Variants in DNM1 observed in about 807,000 individuals in gnomAD.
DNM1 encodes dynamin 1, also known as dynamin-1.
Under a neutral mutation model 104.6 loss-of-function variants are expected in DNM1, and 29 were observed. That is an observed-to-expected ratio of 0.28 (90% confidence interval 0.21 to 0.38). The LOEUF is 0.38. Among genes scored for constraint, DNM1 ranks in the 10% least tolerant of loss-of-function variants. The pLI, the probability that DNM1 is intolerant of heterozygous loss-of-function variation, is 1.00. For missense variants in DNM1, 640 were observed against 1,189.4 expected, an observed-to-expected ratio of 0.54 and a Z score of 6.79; for synonymous variants, 445 against 475.8, an observed-to-expected ratio of 0.94 and a Z score of 0.84.
chr9:128,225,884 CTCTT>C (rs756368575), intron 10 of DNM1: 86 of 717,134 alleles, frequency 1.2e-4, no homozygotes, highest in Middle Eastern at 8.0e-4. Context: ...TTCTCTCTCT[CTCTT>C]TATCTGTGTC....
rs746559414 is a variant in DNM1 at position 128,219,175 on chromosome 9, T to A, written c.512T>A (p.Ile171Asn). The change falls in exon 4 of 22, where the codon ATC becomes AAC. Residue 171 changes from isoleucine to asparagine, a missense_variant. By Grantham distance (149) the Ile-to-Asn change is moderately radical (BLOSUM62 -3). Coordinates refer to ENST00000372923, the MANE Select transcript of DNM1 (RefSeq NM_004408.4). ...MQFVTKENCL[I>N]LAVSPANSDL... ...TTTGTCACCAAGGAGAACTGCCTCA[T>A]CCTGGCCGTGTCCCCCGCCAACTCT... 1.9e-6 allele frequency: 3 copies of A among 1,614,166 alleles called. No individual in the cohort carries two copies. Among genetic ancestry groups the A allele is most frequent in the Non-Finnish European group, 2.5e-6 (3 of 1,180,036 alleles).
In DNM1 at chr9:128,243,397, C is replaced by G. The variant is rs1488295280; in HGVS notation, c.1671+1052C>G. On this transcript the variant is annotated intron_variant, in intron 15 of 21. Coordinates refer to ENST00000372923, the MANE Select transcript of DNM1 (RefSeq NM_004408.4). This position sits in a 1 kb window ranked among gnomAD's most constrained non-coding sequence, Gnocchi z 4.0. Reference sequence around the variant, plus strand: ...GGCTACAGCATCCTCAACGGGGGAGCGGGGCTCTGGGTGGGGCCTGTGATT... The same window carrying G: ...GGCTACAGCATCCTCAACGGGGGAGGGGGGCTCTGGGTGGGGCCTGTGATT... Among the ~76,000 whole-genome samples, 3 of 151,980 alleles carry G rather than the reference C, an allele frequency of 2.0e-5. No individual in the cohort carries two copies. Among genetic ancestry groups the G allele is most frequent in the African/African-American group, 7.2e-5 (3 of 41,390 alleles).
chr9:128,239,378 C>A, intron 11 of DNM1, 67 bp from the exon 12 acceptor site: 1 of 1,226,772 alleles, frequency 8.2e-7, no homozygotes, highest in Non-Finnish European at 1.2e-6. Context: ...TTTCTCCCAG[C>A]TTGCCCTGCA....
rs1311709350 is a variant in DNM1 at position 128,240,248 on chromosome 9, G to A, written c.1557+252G>A. On this transcript the variant is annotated intron_variant, in intron 14 of 21. Transcript: ENST00000372923. This position sits in a 1 kb window ranked among gnomAD's most constrained non-coding sequence, Gnocchi z 5.1. ...GTGGGGCTGGGTGGGTGAGAAGGCT[G>A]GGCCTGGCACGGAGTAGGTGCTCCT... 1.3e-5 allele frequency among the ~76,000 whole-genome samples: 2 copies of A among 152,178 alleles called. No homozygotes were observed. The highest frequency in any genetic ancestry group is 4.8e-5 in the African/African-American group (2 of 41,428).
intron 15 of DNM1, chr9:128,244,867 G>A (rs770940322): frequency 2.4e-5 from 12 of 500,942 alleles, no homozygotes; most frequent in South Asian, 4.4e-5. Flanking sequence ...TCCGGTGGGC[G>A]CTTCAGCCCC....
Position 128,245,066 on chromosome 9 carries a change from G to T in DNM1, c.1672-1328G>T, listed in dbSNP as rs1342057819. 7.6e-6 allele frequency: 2 copies of T among 263,468 alleles called. No homozygotes were observed. Among genetic ancestry groups the T allele is most frequent in the Admixed American group, 9.2e-5 (2 of 21,842 alleles). The allele number at this position is 263,468 out of a possible 1,614,324, so 16.3% of individuals were successfully genotyped here. ...GCCGGCCGGCAGGAAGGGAGGGGTGGGGGGAGGAGGCCGCTCCTACCTAGT... is the reference window on the plus strand; with the variant it reads ...GCCGGCCGGCAGGAAGGGAGGGGTGTGGGGAGGAGGCCGCTCCTACCTAGT... On this transcript the variant is annotated intron_variant, in intron 15 of 21. Coordinates refer to ENST00000372923, the MANE Select transcript of DNM1 (RefSeq NM_004408.4). This position sits in a 1 kb window ranked among gnomAD's most constrained non-coding sequence, Gnocchi z 5.2.
rs769831767 is a variant in DNM1 at position 128,222,283 on chromosome 9, G to A, written c.936G>A (p.Glu312=). 2 of 1,614,180 alleles carry A rather than the reference G, an allele frequency of 1.2e-6. No individual in the cohort carries two copies. Among genetic ancestry groups the A allele is most frequent in the South Asian group, 1.1e-5 (1 of 91,076 alleles). The change falls in exon 7 of 22, where the codon GAG becomes GAA. Residue 312 remains glutamate (E), a synonymous_variant. Transcript: ENST00000372923. The surrounding 1 kb of genome is among the most constrained non-coding windows in gnomAD (Gnocchi z 7.8). ...TACTGTCCATTGAGAAGGAGGTGGA[G>A]GAATACAAGAACTTCCGCCCTGATG... is the stretch of plus-strand genomic sequence containing the variant. ...SQLLSIEKEV[E]EYKNFRPDDP...
At chr9:128,208,056 T>C (rs1288580030) in intron 1 of DNM1, among the ~76,000 whole-genome samples, 1 of 151,752 alleles carries the variant, frequency 6.6e-6, no homozygotes, top group Non-Finnish European at 1.5e-5. Context: ...ATTCTTTTTT[T>C]TCTTTTTTTT....
chr9:128,205,141 C>A (rs1833851124), intron 1 of DNM1, among the ~76,000 whole-genome samples: 1 of 152,166 alleles, frequency 6.6e-6, no homozygotes, highest in East Asian at 1.9e-4. Flanking sequence ...GATCACATGA[C>A]CCCCGGAGCT....
intron 10 of DNM1, among the ~76,000 whole-genome samples, chr9:128,233,250 AGCCGGGCAGATGTGGCTGGGGATGGTGGT>A (rs1296624859): frequency 2.6e-5 from 4 of 152,224 alleles, no homozygotes; most frequent in Admixed American, 6.5e-5. Flanking sequence ...GGCTGGCCAG[AGCCGGGCAGATGTGGCTGGGGATGGTGGT>A]GCCGGGCAGG....
intron 15 of DNM1, chr9:128,244,786 C>T (rs1024465078): frequency 3.7e-6 from 2 of 534,414 alleles, no homozygotes; most frequent in Non-Finnish European, 7.7e-6. Flanking sequence ...GAGTCCTGAA[C>T]AGATAGTCTA....
In DNM1 at chr9:128,222,419, G is replaced by A. The variant is rs1289067764; in HGVS notation, c.993-42G>A. Reference sequence around the variant, plus strand: ...GGGCTCTCCCAGGGTTCCCTTTGCTGGGCTGCTCCTGCCCCCTCAGGCCAC... The same window carrying A: ...GGGCTCTCCCAGGGTTCCCTTTGCTAGGCTGCTCCTGCCCCCTCAGGCCAC... On this transcript the variant is annotated intron_variant, in intron 7 of 21. Coordinates refer to ENST00000372923, the MANE Select transcript of DNM1 (RefSeq NM_004408.4). The surrounding 1 kb of genome is among the most constrained non-coding windows in gnomAD (Gnocchi z 7.8). 6.2e-7 allele frequency: 1 copy of A among 1,611,510 alleles called. No individual in the cohort carries two copies. The highest frequency in any genetic ancestry group is 8.5e-7 in the Non-Finnish European group (1 of 1,178,004).
At position 128,254,862 on chromosome 9, in the gene DNM1, G is replaced by A. The variant is rs779773703; in HGVS notation, c.*148G>A. The A allele has an allele frequency of 3.6e-5, 24 of 670,334 alleles. No homozygotes were observed. Among genetic ancestry groups the A allele is most frequent in the Middle Eastern group, 4.0e-4 (1 of 2,470 alleles). The allele number at this position is 670,334 out of a possible 1,614,324, so 41.5% of individuals were successfully genotyped here. On this transcript the variant is annotated 3_prime_UTR_variant, in exon 22 of 22. Coordinates refer to ENST00000372923, the MANE Select transcript of DNM1 (RefSeq NM_004408.4). The surrounding 1 kb of genome is among the most constrained non-coding windows in gnomAD (Gnocchi z 6.1). Reference sequence around the variant, plus strand: ...TAGTGGTGAGCTGATACATTCAGGTGTGACCGTTGGTGAAAACTTGTGCCC... The same window carrying A: ...TAGTGGTGAGCTGATACATTCAGGTATGACCGTTGGTGAAAACTTGTGCCC...
At chr9:128,219,531 C>T (rs1236170051) in intron 4 of DNM1, among the ~76,000 whole-genome samples, 1 of 151,834 alleles carries the variant, frequency 6.6e-6, no homozygotes, top group Non-Finnish European at 1.5e-5. Context: ...TAGCCGGGCA[C>T]CGTGGTGCAC....
chr9:128,218,182 G>A lies in DNM1; in HGVS notation c.162-49G>A. ...GCCGGACAGGTACCCCTGGGACAGAGGGCGCCCCCTCATATCTTGACCCTC... is the reference window on the plus strand; with the variant it reads ...GCCGGACAGGTACCCCTGGGACAGAAGGCGCCCCCTCATATCTTGACCCTC... On this transcript the variant is annotated intron_variant, in intron 1 of 21. Coordinates refer to ENST00000372923, the MANE Select transcript of DNM1 (RefSeq NM_004408.4). The surrounding 1 kb of genome is among the most constrained non-coding windows in gnomAD (Gnocchi z 4.8). The A allele has an allele frequency of 6.3e-7, 1 of 1,582,178 alleles. No homozygotes were observed. Among genetic ancestry groups the A allele is most frequent in the African/African-American group, 1.3e-5 (1 of 74,336 alleles).
chr9:128,248,532 A>G lies in DNM1; in HGVS notation c.1906-51A>G. 6.3e-7 allele frequency: 1 copy of G among 1,592,434 alleles called. No individual in the cohort carries two copies. Among genetic ancestry groups the G allele is most frequent in the Non-Finnish European group, 8.6e-7 (1 of 1,164,728 alleles). On this transcript the variant is annotated intron_variant, in intron 18 of 21. Coordinates refer to ENST00000372923, the MANE Select transcript of DNM1 (RefSeq NM_004408.4). The surrounding 1 kb of genome is among the most constrained non-coding windows in gnomAD (Gnocchi z 5.6). ...GGGCTGAGATCCTGGGGATGCCTGGAGCCTGGCTGCATGGCCTGGCCACCT... is the reference window on the plus strand; with the variant it reads ...GGGCTGAGATCCTGGGGATGCCTGGGGCCTGGCTGCATGGCCTGGCCACCT...
rs113108073 is a variant in DNM1, at chr9:128,241,837, C to T, written c.1558-395C>T. On this transcript the variant is annotated intron_variant, in intron 14 of 21. Coordinates refer to ENST00000372923, the MANE Select transcript of DNM1 (RefSeq NM_004408.4). ...AAAAGTGCTTTCTAGGCAGAGGCGGCAGCAGCATGTGTAAAGTCAGAAACA... is the reference window on the plus strand; with the variant it reads ...AAAAGTGCTTTCTAGGCAGAGGCGGTAGCAGCATGTGTAAAGTCAGAAACA... Among the ~76,000 whole-genome samples the T allele has an allele frequency of 1.2e-3, 187 of 152,326 alleles. 2 individuals carry two copies. Among genetic ancestry groups the T allele is most frequent in the African/African-American group, 4.1e-3 (171 of 41,562 alleles).
intron 13 of DNM1, 38 bp from the exon 14 acceptor site, chr9:128,239,947 C>T (rs558736755): frequency 1.9e-5 from 30 of 1,613,582 alleles, no homozygotes; most frequent in African/African-American, 1.7e-4. Context: ...CCTCTCTCCC[C>T]GATGCCTCTC....
intron 11 of DNM1, among the ~76,000 whole-genome samples, chr9:128,236,896 G>C (rs542549815): frequency 6.6e-6 from 1 of 152,280 alleles, no homozygotes; most frequent in African/African-American, 2.4e-5. Flanking sequence ...TCACCTTGCA[G>C]GCATTTTCTT....
Sources: gnomAD v4.1 joint callset for allele counts (sites outside exome capture counted in the v4.1 genomes callset) on GRCh38, gnomAD v4.1.1 for gene constraint, Gnocchi (gnomAD v3.1) non-coding constraint, MANE v1.5 for transcripts, NCBI Gene and HGNC (gene_info 2026-07-23, HGNC 2026-07-21) for gene names.